Variants in MORC3 observed in about 807,000 individuals in gnomAD.
MORC3 encodes MORC family CW-type zinc finger protein 3.
In MORC3, 31 loss-of-function variants were observed where a neutral mutation model predicts 109.1. The observed-to-expected ratio is 0.28, with a 90% confidence interval of 0.21 to 0.38. The LOEUF is 0.38. Among genes scored for constraint, MORC3 ranks in the 10% least tolerant of loss-of-function variants. MORC3 has a pLI of 1.00. For synonymous variants in MORC3, 395 were observed against 380.7 expected, an observed-to-expected ratio of 1.04 and a Z score of -0.44; for missense variants, 867 against 1,135.8, an observed-to-expected ratio of 0.76 and a Z score of 3.40.
chr21:36,347,432 T>C (rs957235248), intron 8 of MORC3, among the ~76,000 whole-genome samples: 3 of 152,234 alleles, frequency 2.0e-5, no homozygotes, highest in African/African-American at 4.8e-5. Context: ...AAATTTGTAC[T>C]GTACATATTT....
At chr21:36,330,327 T>A (rs1309070096) in intron 1 of MORC3, among the ~76,000 whole-genome samples, 1 of 152,214 alleles carries the variant, frequency 6.6e-6, no homozygotes, top group Non-Finnish European at 1.5e-5. Flanking sequence ...AACTTTGGTC[T>A]CCACAATCCT....
At chr21:36,351,346 G>A (rs2085570312) in intron 9 of MORC3, among the ~76,000 whole-genome samples, 1 of 152,144 alleles carries the variant, frequency 6.6e-6, no homozygotes, top group Non-Finnish European at 1.5e-5. Context: ...GATTATGGGT[G>A]TGAGCCACCA....
intron 6 of MORC3, among the ~76,000 whole-genome samples, chr21:36,341,768 A>AT (rs565374044): frequency 1.3e-5 from 2 of 152,110 alleles, no homozygotes; most frequent in Non-Finnish European, 2.9e-5. Flanking sequence ...ACACTGGTTG[A>AT]TTTATTTGTT....
intron 9 of MORC3, among the ~76,000 whole-genome samples, chr21:36,354,323 CTTTTTT>C (rs144208712): frequency 1.8e-5 from 2 of 113,652 alleles, no homozygotes; most frequent in Admixed American, 1.0e-4. Context: ...TTCTTTCTTT[CTTTTTT>C]TTTTTTTTTT....
At chr21:36,368,284 T>G (rs866624852) in intron 14 of MORC3, among the ~76,000 whole-genome samples, 1 of 152,130 alleles carries the variant, frequency 6.6e-6, no homozygotes, top group African/African-American at 2.4e-5. Context: ...TGATCACTGA[T>G]TACTGATAAA....
intron 14 of MORC3, among the ~76,000 whole-genome samples, chr21:36,365,526 A>T (rs1038323190): frequency 2.1e-4 from 32 of 152,140 alleles, no homozygotes; most frequent in Admixed American, 2.1e-3. Context: ...TAAATAACTA[A>T]CTGCCTTTAT....
At position 36,375,236 on chromosome 21, in the gene MORC3, T is replaced by G; in HGVS notation, c.2760T>G (p.Asp920Glu). Reference sequence around the variant, plus strand: ...TTCAGCAAGTGAATTACGATGTTGATGTAGTTGATGAGATTTTAGGACAAG... The same window carrying G: ...TTCAGCAAGTGAATTACGATGTTGAGGTAGTTGATGAGATTTTAGGACAAG... Reference protein sequence around the residue: ...LDLQQVNYDVDVVDEILGQVV... With the variant: ...LDLQQVNYDVEVVDEILGQVV... Residue 920 changes from aspartate (D) to glutamate (E), a missense_variant, in exon 17 of 17, where the codon GAT becomes GAG. Physicochemically the swap from Asp to Glu is conservative, Grantham distance 45. This residue lies in a region of MORC3 where 34 missense variants were observed against 35.2 expected (regional missense o/e 0.97). Transcript: ENST00000400485. 6.2e-7 allele frequency: 1 copy of G among 1,613,840 alleles called. No homozygotes were observed. The highest frequency in any genetic ancestry group is 8.5e-7 in the Non-Finnish European group (1 of 1,179,760).
chr21:36,359,758 T>C (rs1232294816), intron 10 of MORC3, among the ~76,000 whole-genome samples, 197 bp from the exon 11 acceptor site: 1 of 152,044 alleles, frequency 6.6e-6, no homozygotes, highest in Non-Finnish European at 1.5e-5. Flanking sequence ...TTTCACCATG[T>C]TGTCCAGGCT....
rs924616230 is a variant in MORC3, at chr21:36,339,106, A to G, written c.608+185A>G. 8 of 642,640 alleles carry G rather than the reference A, an allele frequency of 1.2e-5. No individual in the cohort carries two copies. In the African/African-American group the frequency reaches 1.3e-4, roughly 11 times the overall value. 39.8% of individuals were successfully genotyped at this position (642,640 alleles called of 1,614,324 possible). A position where few individuals can be genotyped will look rare whatever the true frequency, so the allele number is the denominator to read the frequency against. On this transcript the variant is annotated intron_variant, in intron 5 of 16. Transcript: ENST00000400485. ...GGCCATTTCAGCTTCAATTTGAGAT[A>G]TTTTCATCTTGTTAAAAAAAATTTT... is the stretch of plus-strand genomic sequence containing the variant.
chr21:36,362,311 G>T, intron 13 of MORC3, 83 bp downstream of exon 13: 1 of 1,447,454 alleles, frequency 6.9e-7, no homozygotes, highest in Non-Finnish European at 9.4e-7. Context: ...GGGAGGCCGA[G>T]GCAGGTGGAT....
chr21:36,345,421 T>C (rs114346461), intron 8 of MORC3, among the ~76,000 whole-genome samples: 7,847 of 151,636 alleles, frequency 0.052, 267 homozygotes, highest in Middle Eastern at 0.11. Flanking sequence ...TGGTTTTTTT[T>C]GTTTTTTGTT....
chr21:36,349,607 T>C (rs1819729279), intron 9 of MORC3, among the ~76,000 whole-genome samples, 199 bp downstream of exon 9: 2 of 152,378 alleles, frequency 1.3e-5, no homozygotes, highest in Middle Eastern at 3.4e-3. Flanking sequence ...GTCCCTTACC[T>C]ACCCATTTTC....
rs1285638040 is a variant in MORC3, at chr21:36,366,496, C to T, written c.1619+2237C>T. ...TTTTTGAAACAGAGTCTTTCTCTGT[C>T]ACCCAGCCTGGAGTGCAGTGGCATA... is the stretch of plus-strand genomic sequence containing the variant. On this transcript the variant is annotated intron_variant, in intron 14 of 16. Coordinates refer to ENST00000400485, the MANE Select transcript of MORC3 (RefSeq NM_015358.3). 3.3e-5 allele frequency among the ~76,000 whole-genome samples: 5 copies of T among 151,414 alleles called. No individual in the cohort carries two copies. The South Asian group carries it at 1.0e-3, about 32-fold the overall frequency.
At chr21:36,320,648 C>G (rs972547339) in intron 1 of MORC3, 4 of 251,852 alleles carry the variant, frequency 1.6e-5, no homozygotes, top group East Asian at 7.3e-5. Flanking sequence ...GCCCCTGACC[C>G]TCTTCTGTCC....
rs2085915911 is a variant in MORC3, at chr21:36,375,163, G to A, written c.2687G>A (p.Arg896Gln). Reference sequence around the variant, plus strand: ...TGCAGCCTCAAACTCCGATCTCTTCGAGTTAACGTAGGACAACTGCTGGCT... The same window carrying A: ...TGCAGCCTCAAACTCCGATCTCTTCAAGTTAACGTAGGACAACTGCTGGCT... ...DGESLKLRSL[R>Q]VNVGQLLAMI... The change falls in exon 17 of 17, where the codon CGA (arginine) becomes CAA (glutamine). Residue 896 changes from arginine to glutamine, a missense_variant. This residue lies in a region of MORC3 where 7 missense variants were observed against 23.4 expected (regional missense o/e 0.30). Coordinates refer to ENST00000400485, the MANE Select transcript of MORC3 (RefSeq NM_015358.3). The A allele has an allele frequency of 6.2e-7, 1 of 1,612,908 alleles. No homozygotes were observed. The highest frequency in any genetic ancestry group is 8.5e-7 in the Non-Finnish European group (1 of 1,179,654).
chr21:36,352,611 A>G (rs2085585596), intron 9 of MORC3, among the ~76,000 whole-genome samples: 1 of 152,142 alleles, frequency 6.6e-6, no homozygotes, highest in African/African-American at 2.4e-5. Flanking sequence ...TTGGCACTCA[A>G]AAAGTTTCAG....
At chr21:36,364,042 A>G (rs2085749901) in intron 13 of MORC3, 51 bp from the exon 14 acceptor site, 3 of 1,556,122 alleles carry the variant, frequency 1.9e-6, no homozygotes, top group Non-Finnish European at 2.6e-6. Context: ...TGTTTTGGGC[A>G]TGTCACACTA....
At chr21:36,358,345 A>G (rs977818663) in intron 10 of MORC3, among the ~76,000 whole-genome samples, 27 of 152,216 alleles carry the variant, frequency 1.8e-4, no homozygotes, top group African/African-American at 5.5e-4. Context: ...AGATTGCACC[A>G]TTGCACTCCA....
chr21:36,329,527 T>C (rs1158919630), intron 1 of MORC3, among the ~76,000 whole-genome samples: 1 of 152,204 alleles, frequency 6.6e-6, no homozygotes, highest in Non-Finnish European at 1.5e-5. Context: ...TAAGGGTTTA[T>C]AGTAGTTGAC....
Sources: gnomAD v4.1 joint callset for allele counts (sites outside exome capture counted in the v4.1 genomes callset) on GRCh38, gnomAD v4.1.1 for gene constraint, gnomAD v4.1.1 regional missense constraint, MANE v1.5 for transcripts, NCBI Gene and HGNC (gene_info 2026-07-23, HGNC 2026-07-21) for gene names.